Variants in CLIP1 observed in about 807,000 individuals in gnomAD.
The protein encoded by CLIP1 is CAP-Gly domain containing linker protein 1.
A neutral mutation model predicts 161.6 loss-of-function variants in CLIP1; 66 were observed. The ratio of observed to expected loss-of-function variants is 0.41; its 90% CI spans 0.33 to 0.50. The LOEUF (loss-of-function observed/expected upper bound fraction) is 0.50, where lower values mean the gene tolerates loss of function less well. Among genes scored for constraint, CLIP1 ranks in the 20% least tolerant of loss-of-function variants. The probability of loss-of-function intolerance (pLI) is 0.27; values close to 1 mark genes in which losing one functional copy is unlikely to be tolerated. For synonymous variants in CLIP1, 598 were observed against 626.2 expected (o/e 0.96, Z 0.67); for missense variants, 1,376 against 1,702.0 (o/e 0.81, Z 3.37).
chr12:122,358,838 AT>A (rs1349182427), intron 5 of CLIP1, among the ~76,000 whole-genome samples: 1 of 152,124 alleles, frequency 6.6e-6, no homozygotes, highest in Non-Finnish European at 1.5e-5. Flanking sequence ...AGGCGGGCAG[AT>A]CACCTGAGGT....
intron 7 of CLIP1, 68 bp from the exon 8 acceptor site, chr12:122,352,854 C>A: frequency 7.2e-7 from 1 of 1,391,434 alleles, no homozygotes; most frequent in Admixed American, 1.7e-5. Context: ...AAAAACAAAA[C>A]AAACAAACAA....
At chr12:122,406,565 T>C (rs2137126450) in intron 1 of CLIP1, among the ~76,000 whole-genome samples, 1 of 152,286 alleles carries the variant, frequency 6.6e-6, no homozygotes, top group East Asian at 1.9e-4. Flanking sequence ...TATCACACAA[T>C]AAGACACTGA....
rs1953105366 is a variant in CLIP1, at chr12:122,352,788, T to G, written c.1308-2A>C. On this transcript the variant is annotated splice_acceptor_variant, in intron 7 of 25. Coordinates refer to ENST00000620786, the MANE Select transcript of CLIP1 (RefSeq NM_001247997.2). LOFTEE classifies it high-confidence loss of function. ...CGGAACTGAAGGTCCTCAACCTTCCTGTGGAATAAAACCCAAACAAAACAC... is the reference window on the plus strand; with the variant it reads ...CGGAACTGAAGGTCCTCAACCTTCCGGTGGAATAAAACCCAAACAAAACAC... 6.2e-7 allele frequency: 1 copy of G among 1,612,380 alleles called. No homozygotes were observed. Among genetic ancestry groups the G allele is most frequent in the Non-Finnish European group, 8.5e-7 (1 of 1,178,486 alleles).
intron 3 of CLIP1, among the ~76,000 whole-genome samples, chr12:122,366,830 G>C (rs1954197594): frequency 6.6e-6 from 1 of 152,142 alleles, no homozygotes; most frequent in Non-Finnish European, 1.5e-5. Context: ...GACAGAGTGA[G>C]ACCTTGTCTC....
chr12:122,279,341 G>T lies in CLIP1; in HGVS notation c.3648-196C>A. On this transcript the variant is annotated intron_variant, in intron 21 of 25. Coordinates refer to ENST00000620786, the MANE Select transcript of CLIP1 (RefSeq NM_001247997.2). The surrounding 1 kb of genome is among the most constrained non-coding windows in gnomAD (Gnocchi z 4.5). ...TTTACTTACTGTGAGGGGAGAAAAAGTTTACCTATGCATAGACATGCCAGA... is the reference window on the plus strand; with the variant it reads ...TTTACTTACTGTGAGGGGAGAAAAATTTTACCTATGCATAGACATGCCAGA... 3 of 323,132 alleles carry T rather than the reference G, an allele frequency of 9.3e-6. No individual in the cohort carries two copies. Among genetic ancestry groups the T allele is most frequent in the East Asian group, 5.4e-5 (1 of 18,366 alleles). The allele number at this position is 323,132 out of a possible 1,614,324, so 20.0% of individuals were successfully genotyped here.
chr12:122,340,769 T>C lies in CLIP1; in HGVS notation c.2435A>G (p.Asn812Ser). The C allele has an allele frequency of 6.3e-7, 1 of 1,580,724 alleles. No individual in the cohort carries two copies. The highest frequency in any genetic ancestry group is 8.6e-7 in the Non-Finnish European group (1 of 1,164,754). Residue 812 changes from asparagine (N) to serine (S), a missense_variant, in exon 11 of 26, where the codon AAT (asparagine) becomes AGT (serine). This residue lies in a region of CLIP1 where 948 missense variants were observed against 1,134.8 expected (regional missense o/e 0.84). Transcript: ENST00000620786. ...AATACAAACCTTGCTACTTTCAGCATTCTTTTCAATCTCTAAATGTTTAAT... is the reference window on the plus strand; with the variant it reads ...AATACAAACCTTGCTACTTTCAGCACTCTTTTCAATCTCTAAATGTTTAAT... ...KQIKHLEIEK[N>S]AESSKASSIT...
At chr12:122,412,500 C>G (rs1251014043) in intron 1 of CLIP1, among the ~76,000 whole-genome samples, 1 of 151,880 alleles carries the variant, frequency 6.6e-6, no homozygotes, top group African/African-American at 2.4e-5. Context: ...ACTAAAAATA[C>G]AAAAATTAGA....
chr12:122,296,779 C>T (rs1018556260), intron 20 of CLIP1, among the ~76,000 whole-genome samples: 5 of 149,650 alleles, frequency 3.3e-5, no homozygotes, highest in Admixed American at 6.7e-5. Flanking sequence ...CAGGAGGATT[C>T]CTTGAGCCTT....
chr12:122,393,912 C>CAAAAAAAAAAAAAAAAAA lies in CLIP1; in HGVS notation c.-106-13372_-106-13355dup, dbSNP rs71082981. ...GGGTGACAGAGTGAGATTCTGTCTC[C>CAAAAAAAAAAAAAAAAAA]AAAAAAAAAAAAAAAAAAGATTCTA... On this transcript the variant is annotated intron_variant, in intron 1 of 25. Transcript: ENST00000620786. Among the ~76,000 whole-genome samples, 43 of 63,182 alleles carry CAAAAAAAAAAAAAAAAAA rather than the reference C, an allele frequency of 6.8e-4. 6 individuals are homozygous for CAAAAAAAAAAAAAAAAAA. The highest frequency in any genetic ancestry group is 2.0e-3 in the African/African-American group (43 of 21,650). The allele number at this position is 63,182 out of a possible 152,430, so 41.4% of individuals were successfully genotyped here.
intron 2 of CLIP1, 133 bp from the exon 3 acceptor site, chr12:122,378,093 T>C: frequency 1.3e-6 from 1 of 764,856 alleles, no homozygotes; most frequent in South Asian, 1.8e-5. Flanking sequence ...TAAAGTGTGG[T>C]TTTTTGTTCT....
chr12:122,368,377 G>A (rs573945324), intron 3 of CLIP1, among the ~76,000 whole-genome samples: 5 of 152,202 alleles, frequency 3.3e-5, no homozygotes, highest in South Asian at 2.1e-4. Context: ...CTTCCTGTAC[G>A]CTCCTGTAAA....
chr12:122,400,332 A>G (rs1227108946), intron 1 of CLIP1: 2 of 152,154 alleles, frequency 1.3e-5, no homozygotes, highest in Non-Finnish European at 2.9e-5. Context: ...AATGTCACGG[A>G]AAAGTAACCA....
At chr12:122,312,395 C>T (rs769516787) in intron 19 of CLIP1, among the ~76,000 whole-genome samples, 3 of 152,274 alleles carry the variant, frequency 2.0e-5, no homozygotes, top group Non-Finnish European at 2.9e-5. Context: ...GTAAGTGGCA[C>T]ACAGGAAAAG....
At chr12:122,393,196 C>T (rs1435529985) in intron 1 of CLIP1, among the ~76,000 whole-genome samples, 1 of 148,630 alleles carries the variant, frequency 6.7e-6, no homozygotes, top group Non-Finnish European at 1.5e-5. Flanking sequence ...TGGAGTCTCA[C>T]TCTGTCACCT....
At chr12:122,286,389 C>T (rs573537112) in intron 21 of CLIP1, among the ~76,000 whole-genome samples, 3 of 151,674 alleles carry the variant, frequency 2.0e-5, no homozygotes, top group Admixed American at 6.6e-5. Flanking sequence ...TGGTGGTGCA[C>T]GCCTGTAATA....
chr12:122,341,055 G>C lies in CLIP1; in HGVS notation c.2149C>G (p.Leu717Val). Residue 717 changes from leucine to valine, a missense_variant, in exon 11 of 26, where the codon CTG (leucine) becomes GTG (valine). By Grantham distance (32) the Leu-to-Val change is conservative (BLOSUM62 1). Transcript: ENST00000620786. Reference protein sequence around the residue: ...ENSLEAIRSKLDKAEDQHLVE... With the variant: ...ENSLEAIRSKVDKAEDQHLVE... ...AGATGCTGGTCTTCTGCTTTGTCCA[G>C]TTTCGACCTGATGGCTTCCAGACTG... 1.2e-6 allele frequency: 2 copies of C among 1,614,022 alleles called. No individual in the cohort carries two copies. Among genetic ancestry groups the C allele is most frequent in the Non-Finnish European group, 8.5e-7 (1 of 1,180,036 alleles).
Position 122,340,962 on chromosome 12 carries a change from G to A in CLIP1, c.2242C>T (p.Leu748=), listed in dbSNP as rs763888463. 2 of 1,614,182 alleles carry A rather than the reference G, an allele frequency of 1.2e-6. No individual in the cohort carries two copies. Among genetic ancestry groups the A allele is most frequent in the Non-Finnish European group, 8.5e-7 (1 of 1,180,028 alleles). ...AEIKVKELEV[L]QAKCNEQTKV... is the part of the protein sequence containing the mutation. Reference sequence around the variant, plus strand: ...GTTTGTTCATTGCATTTGGCTTGCAGTACCTCTAGCTCCTTTACCTTTATT... The same window carrying A: ...GTTTGTTCATTGCATTTGGCTTGCAATACCTCTAGCTCCTTTACCTTTATT... Residue 748 remains leucine, a synonymous_variant, in exon 11 of 26, where the codon CTG becomes TTG. Coordinates refer to ENST00000620786, the MANE Select transcript of CLIP1 (RefSeq NM_001247997.2).
chr12:122,380,495 C>A lies in CLIP1; in HGVS notation c.-43G>T. On this transcript the variant is annotated 5_prime_UTR_variant, in exon 2 of 26. It removes the in-frame stop codon of an upstream open reading frame in the 5' UTR. Coordinates refer to ENST00000620786, the MANE Select transcript of CLIP1 (RefSeq NM_001247997.2). ...GCTGTTTCTCCTTTGCCTGTTGCCA[C>A]TATCTTTCCCCAACCATTGATACAA... The A allele has an allele frequency of 7.9e-7, 1 of 1,266,716 alleles. No individual in the cohort carries two copies. The highest frequency in any genetic ancestry group is 1.1e-6 in the Non-Finnish European group (1 of 872,418). 78.5% of individuals were successfully genotyped at this position (1,266,716 alleles called of 1,614,324 possible). A position where few individuals can be genotyped will look rare whatever the true frequency, so the allele number is the denominator to read the frequency against.
intron 1 of CLIP1, among the ~76,000 whole-genome samples, chr12:122,411,549 A>G (rs1473111615): frequency 6.6e-6 from 1 of 152,200 alleles, no homozygotes; most frequent in African/African-American, 2.4e-5. Context: ...TCTACACAAC[A>G]GAATATTACT....
Sources: allele counts gnomAD v4.1 joint callset (sites outside exome capture counted in the v4.1 genomes callset), GRCh38; gene constraint gnomAD v4.1.1; regional missense constraint gnomAD v4.1.1; non-coding constraint Gnocchi (gnomAD v3.1); transcripts MANE v1.5; gene names NCBI Gene and HGNC (gene_info 2026-07-23, HGNC 2026-07-21).